The following PLA2G5 variants were observed in gnomAD, a reference collection of about 807,000 sequenced individuals.
The protein encoded by PLA2G5 is phospholipase A2 group V.
PLA2G5 carries 12 observed loss-of-function variants against 15.9 expected under a neutral mutation model. The ratio of observed to expected loss-of-function variants is 0.76; its 90% confidence interval spans 0.48 to 1.23. PLA2G5 has a LOEUF of 1.23. PLA2G5 is among the 50% of genes most tolerant of loss of function. PLA2G5 has a pLI of 0.00. For missense variants in PLA2G5, 169 were observed against 177.1 expected (o/e 0.95, Z 0.26); for synonymous variants, 71 against 71.4 (o/e 0.99, Z 0.03).
At chr1:20,071,590 T>G (rs1362164936) in intron 1 of PLA2G5, among the ~76,000 whole-genome samples, 2 of 152,146 alleles carry the variant, frequency 1.3e-5, no homozygotes, top group African/African-American at 4.8e-5. Context: ...AGGGGGTTGA[T>G]CCAGTTCCGG....
At chr1:20,051,648 T>A (rs2014182140) in intron 1 of PLA2G5, among the ~76,000 whole-genome samples, 1 of 152,244 alleles carries the variant, frequency 6.6e-6, no homozygotes, top group South Asian at 2.1e-4. Context: ...GAATCTGTTT[T>A]CATTTATAAT....
chr1:20,061,694 A>G (rs1363202966), intron 2 of PLA2G5, among the ~76,000 whole-genome samples: 1 of 151,500 alleles, frequency 6.6e-6, no homozygotes, highest in South Asian at 2.1e-4. Flanking sequence ...CATATATCTT[A>G]CTCCAAAGGC....
chr1:20,071,874 G>T (rs1487364065), intron 1 of PLA2G5, among the ~76,000 whole-genome samples: 1 of 152,092 alleles, frequency 6.6e-6, no homozygotes, highest in Non-Finnish European at 1.5e-5. Flanking sequence ...TTGGGAGGCC[G>T]ACGTGGGTGG....
upstream of PLA2G5, among the ~76,000 whole-genome samples, chr1:20,068,596 C>T (rs577229006): frequency 6.6e-6 from 1 of 151,766 alleles, no homozygotes; most frequent in Non-Finnish European, 1.5e-5. Context: ...GGATTACAGG[C>T]ATGTGCCACC....
intron 4 of PLA2G5, 129 bp from the exon 5 acceptor site, chr1:20,090,439 C>T: frequency 2.2e-6 from 2 of 898,646 alleles, no homozygotes; most frequent in Non-Finnish European, 3.6e-6. Context: ...ATTCTCTATT[C>T]CCCCGATTTA....
intron 1 of PLA2G5, among the ~76,000 whole-genome samples, chr1:20,050,567 G>A (rs2014132468): frequency 6.6e-6 from 1 of 152,062 alleles, no homozygotes; most frequent in Admixed American, 6.6e-5. Flanking sequence ...GGTTATAAAA[G>A]GCTTATGGAA....
intron 1 of PLA2G5, among the ~76,000 whole-genome samples, chr1:20,029,867 G>C (rs1179356434): frequency 6.6e-6 from 1 of 152,198 alleles, no homozygotes; most frequent in Non-Finnish European, 1.5e-5. Flanking sequence ...TGACCAACTT[G>C]CCTGCAGGCA....
At chr1:20,071,841 C>T (rs1347571243) in intron 1 of PLA2G5, among the ~76,000 whole-genome samples, 1 of 152,196 alleles carries the variant, frequency 6.6e-6, no homozygotes, top group Non-Finnish European at 1.5e-5. Flanking sequence ...AGTGTGGTGG[C>T]TCATGCCTGT....
intron 1 of PLA2G5, among the ~76,000 whole-genome samples, chr1:20,044,079 A>G (rs968593919): frequency 3.8e-4 from 58 of 152,124 alleles, no homozygotes; most frequent in African/African-American, 1.2e-3. Context: ...CCCTGCACAG[A>G]TGGGACACTG....
intron 1 of PLA2G5, among the ~76,000 whole-genome samples, chr1:20,078,848 T>C (rs914405527): frequency 1.2e-4 from 18 of 152,072 alleles, no homozygotes; most frequent in Non-Finnish European, 2.5e-4. Context: ...GGCTCATGCC[T>C]GTCATCCCAG....
At chr1:20,070,022 C>T (rs892285538), upstream of PLA2G5, among the ~76,000 whole-genome samples, 5 of 152,274 alleles carry the variant, frequency 3.3e-5, no homozygotes, top group Admixed American at 2.6e-4. Flanking sequence ...GTAGGGGTTA[C>T]TTCGGGCTGA....
Position 20,056,107 on chromosome 1 carries a change from A to G in PLA2G5, n.277-3525A>G, listed in dbSNP as rs1243952453. ...TCCCTCTTTCCCCTTCTTTTAAAAG[A>G]TTTTACTTTTTAGAGCTGCGAGGTT... On this transcript the variant is annotated intron_variant and non_coding_transcript_variant, in intron 1 of 6. Transcript: ENST00000460175. Among the ~76,000 whole-genome samples the G allele has an allele frequency of 2.0e-5, 3 of 152,100 alleles. No homozygotes were observed. In the East Asian group the frequency reaches 5.8e-4, roughly 29 times the overall value.
upstream of PLA2G5, among the ~76,000 whole-genome samples, chr1:20,067,137 C>T (rs185394577): frequency 2.8e-3 from 419 of 152,206 alleles, 2 homozygotes; most frequent in African/African-American, 8.5e-3. Context: ...CTGGACTACA[C>T]GTGCACACCA....
Position 20,078,337 on chromosome 1 carries a change from A to G in PLA2G5, c.-10-6484A>G, listed in dbSNP as rs188841725. Among the ~76,000 whole-genome samples the G allele has an allele frequency of 1.6e-4, 24 of 151,928 alleles. No individual in the cohort carries two copies. In the East Asian group the frequency reaches 2.7e-3, roughly 17 times the overall value. ...TTGACTTTTAGAGAAAAAAAGAAGT[A>G]GAATTGTCCCTAGAGGCAAGGGATT... On this transcript the variant is annotated intron_variant, in intron 1 of 4. Transcript: ENST00000375108.
chr1:20,083,256 C>T (rs577723168), intron 1 of PLA2G5, among the ~76,000 whole-genome samples: 3 of 151,976 alleles, frequency 2.0e-5, no homozygotes, highest in Admixed American at 6.5e-5. Context: ...CAGAGGCCAG[C>T]TGTGGACAGA....
intron 1 of PLA2G5, among the ~76,000 whole-genome samples, chr1:20,049,582 T>G (rs1057502197): frequency 2.6e-5 from 4 of 152,162 alleles, no homozygotes; most frequent in African/African-American, 9.7e-5. Flanking sequence ...GTTCTCATGA[T>G]AGTGAATAAG....
At chr1:20,046,308 T>C (rs925372085) in intron 1 of PLA2G5, among the ~76,000 whole-genome samples, 3 of 152,204 alleles carry the variant, frequency 2.0e-5, no homozygotes, top group African/African-American at 7.2e-5. Context: ...CTGACTTGGT[T>C]AAATCCAAGT....
chr1:20,031,732 C>T (rs578220242), intron 1 of PLA2G5, among the ~76,000 whole-genome samples: 7 of 152,056 alleles, frequency 4.6e-5, no homozygotes, highest in South Asian at 4.2e-4. Context: ...TGGTGTATCC[C>T]GTGTAGAAAG....
At chr1:20,068,143 A>G (rs889851591), upstream of PLA2G5, among the ~76,000 whole-genome samples, 3 of 152,192 alleles carry the variant, frequency 2.0e-5, no homozygotes, top group East Asian at 5.8e-4. Context: ...AAAAATAAAT[A>G]CATAAAAATA....
Sources: gnomAD v4.1 joint callset for allele counts (sites outside exome capture counted in the v4.1 genomes callset) on GRCh38, gnomAD v4.1.1 for gene constraint, MANE v1.5 for transcripts, NCBI Gene and HGNC (gene_info 2026-07-23, HGNC 2026-07-21) for gene names.